The following OSBPL5 variants were observed in gnomAD, a reference collection of about 807,000 sequenced individuals.
The protein encoded by OSBPL5 is oxysterol binding protein like 5.
In OSBPL5, 71 loss-of-function variants were observed where a neutral mutation model predicts 111.2. That is an observed-to-expected ratio of 0.64 (90% CI 0.53 to 0.78). The LOEUF (loss-of-function observed/expected upper bound fraction) is 0.78. Among genes scored for constraint, OSBPL5 ranks in the 30% least tolerant of loss-of-function variants. The pLI is 0.00. For synonymous variants in OSBPL5, 549 were observed against 513.9 expected (o/e 1.07, Z -0.93); for missense variants, 1,210 against 1,189.3 (o/e 1.02, Z -0.26).
intron 21 of OSBPL5, 130 bp from the exon 22 acceptor site, chr11:3,088,473 C>T: frequency 1.8e-6 from 2 of 1,101,310 alleles, no homozygotes. Context: ...TGGGATGGCC[C>T]TCCAGGGGCA....
Position 3,155,345 on chromosome 11 carries a change from C to T in OSBPL5, c.-22+9871G>A, listed in dbSNP as rs1564868581. Among the ~76,000 whole-genome samples the T allele has an allele frequency of 2.0e-5, 3 of 152,212 alleles. No individual in the cohort carries two copies. The South Asian group carries it at 6.2e-4, about 31-fold the overall frequency. ...ATGTCCGGCACAGCCTGGCAGACTT[C>T]GGCTCAAATCTGCCTGGGCCACTTC... On this transcript the variant is annotated intron_variant, in intron 1 of 21. Coordinates refer to ENST00000263650, the MANE Select transcript of OSBPL5 (RefSeq NM_020896.4).
At position 3,112,084 on chromosome 11, in the gene OSBPL5, T is replaced by TGTGCATGTGTGTGTGC. The variant is rs1554898337; in HGVS notation, c.692-4140_692-4139insGCACACACACATGCAC. On this transcript the variant is annotated intron_variant, in intron 7 of 21. Coordinates refer to ENST00000263650, the MANE Select transcript of OSBPL5 (RefSeq NM_020896.4). ...GTGTATGTGTGTGTGCATGTGTGTG[T>TGTGCATGTGTGTGTGC]GCATGTGTGTGTGCATATGTGTGTG... Among the ~76,000 whole-genome samples, 321 of 123,526 alleles carry TGTGCATGTGTGTGTGC rather than the reference T, an allele frequency of 2.6e-3. 5 individuals carry two copies. Among genetic ancestry groups the TGTGCATGTGTGTGTGC allele is most frequent in the South Asian group, 6.0e-3 (20 of 3,316 alleles). The allele number at this position is 123,526 out of a possible 152,430, so 81.0% of individuals were successfully genotyped here.
rs11826635 is a variant in OSBPL5, at chr11:3,119,135, G to A, written c.691+412C>T. Among the ~76,000 whole-genome samples, 1,207 of 151,950 alleles carry A rather than the reference G, an allele frequency of 7.9e-3. 17 individuals are homozygous for A. The highest frequency in any genetic ancestry group is 0.028 in the African/African-American group (1,157 of 41,444). On this transcript the variant is annotated intron_variant, in intron 7 of 21. Coordinates refer to ENST00000263650, the MANE Select transcript of OSBPL5 (RefSeq NM_020896.4). ...AGCAATCCTCCTGTCTCAGTCTCCCGAGTAGCTGGGATTACAGGCGCCTGC... is the reference window on the plus strand; with the variant it reads ...AGCAATCCTCCTGTCTCAGTCTCCCAAGTAGCTGGGATTACAGGCGCCTGC...
At chr11:3,094,459 C>T (rs567326994) in intron 14 of OSBPL5, 125 bp from the exon 15 acceptor site, 4 of 705,004 alleles carry the variant, frequency 5.7e-6, no homozygotes, top group Non-Finnish European at 7.3e-6. Context: ...CCCTGGGAGG[C>T]CTGTGTCAGT....
At chr11:3,103,788 C>CTTCCAGCCTCTGCAGCCCCA (rs1554896306) in intron 10 of OSBPL5, among the ~76,000 whole-genome samples, 3 of 61,280 alleles carry the variant, frequency 4.9e-5, no homozygotes, top group Non-Finnish European at 1.2e-4. Context: ...TCTGCAGTCC[C>CTTCCAGCCTCTGCAGCCCCA]TTCCTGCCTC....
rs200488564 is a variant in OSBPL5, at chr11:3,121,107, AG to A, written c.403-484del. 0.016 allele frequency among the ~76,000 whole-genome samples: 2,292 copies of A among 139,492 alleles called. 73 individuals are homozygous for A. The highest frequency in any genetic ancestry group is 0.059 in the African/African-American group (2,169 of 36,894). The allele number at this position is 139,492 out of a possible 152,430, so 91.5% of individuals were successfully genotyped here. On this transcript the variant is annotated intron_variant, in intron 5 of 21. Coordinates refer to ENST00000263650, the MANE Select transcript of OSBPL5 (RefSeq NM_020896.4). The surrounding 1 kb of genome is among the most constrained non-coding windows in gnomAD (Gnocchi z 4.3). Reference sequence around the variant, plus strand: ...ACAGAGTCTCTGTTGCCCAGGCTGGAGGTGCAGTGGTGCTATCTTGGCTCGC... The same window carrying A: ...ACAGAGTCTCTGTTGCCCAGGCTGGAGTGCAGTGGTGCTATCTTGGCTCGC...
At chr11:3,153,923 A>T (rs2134548841) in intron 1 of OSBPL5, among the ~76,000 whole-genome samples, 1 of 152,314 alleles carries the variant, frequency 6.6e-6, no homozygotes, top group East Asian at 1.9e-4. Context: ...GCTCCATATG[A>T]ATGCAGCCCA....
intron 7 of OSBPL5, among the ~76,000 whole-genome samples, chr11:3,115,873 C>CTTTTTTTTTTTTTTTTTTTTTTTTTTTT (rs369499437): frequency 2.1e-5 from 3 of 143,994 alleles, no homozygotes; most frequent in Non-Finnish European, 3.0e-5. Context: ...AGGCTTTTGC[C>CTTTTTTTTTTTTTTTTTTTTTTTTTTTT]TTTTTTTTTT....
chr11:3,131,813 C>T (rs1009786082), intron 1 of OSBPL5, among the ~76,000 whole-genome samples: 8 of 140,676 alleles, frequency 5.7e-5, no homozygotes, highest in African/African-American at 1.9e-4. Context: ...ATTCATCCAT[C>T]CATCCATCCA....
intron 1 of OSBPL5, among the ~76,000 whole-genome samples, chr11:3,147,854 C>A (rs116049828): frequency 2.8e-4 from 43 of 152,284 alleles, no homozygotes; most frequent in Middle Eastern, 3.4e-3. Flanking sequence ...GTGACCCGGG[C>A]CCTTCTGTCT....
Position 3,092,337 on chromosome 11 carries a change from C to T in OSBPL5, c.2259+95G>A, listed in dbSNP as rs543361951. 2.9e-5 allele frequency: 41 copies of T among 1,420,278 alleles called. No individual in the cohort carries two copies. The highest frequency in any genetic ancestry group is 3.4e-5 in the Non-Finnish European group (37 of 1,076,272). 88.0% of individuals were successfully genotyped at this position (1,420,278 alleles called of 1,614,324 possible). A position where few individuals can be genotyped will look rare whatever the true frequency, so the allele number is the denominator to read the frequency against. ...GGATGAGGGCGTGAGGGAAACGGAG[C>T]GAGGGGAAGGGAGGAGTGAGGTGAG... On this transcript the variant is annotated intron_variant, in intron 19 of 21. Transcript: ENST00000263650. The surrounding 1 kb of genome is among the most constrained non-coding windows in gnomAD (Gnocchi z 5.4).
At position 3,107,599 on chromosome 11, in the gene OSBPL5, C is replaced by A; in HGVS notation, c.867-144G>T. The A allele has an allele frequency of 4.4e-6, 6 of 1,354,806 alleles. No homozygotes were observed. The highest frequency in any genetic ancestry group is 6.1e-6 in the Non-Finnish European group (6 of 976,700). 83.9% of individuals were successfully genotyped at this position (1,354,806 alleles called of 1,614,324 possible). ...CACAACCCACATTTGACACGATCAG[C>A]CCCGTTTTAGAGGAAGGAACCGAGG... On this transcript the variant is annotated intron_variant, in intron 8 of 21. Coordinates refer to ENST00000263650, the MANE Select transcript of OSBPL5 (RefSeq NM_020896.4). This position sits in a 1 kb window ranked among gnomAD's most constrained non-coding sequence, Gnocchi z 6.1.
chr11:3,089,984 G>A, intron 20 of OSBPL5, 36 bp from the exon 21 acceptor site: 2 of 1,456,142 alleles, frequency 1.4e-6, no homozygotes, highest in Non-Finnish European at 1.8e-6. Flanking sequence ...GGAGGGGAGG[G>A]GAGGAGTGAG....
At chr11:3,097,024 G>GGGAAGATGGGAGA (rs1564824603) in intron 14 of OSBPL5, among the ~76,000 whole-genome samples, 4 of 104,174 alleles carry the variant, frequency 3.8e-5, no homozygotes, top group Non-Finnish European at 5.6e-5. Context: ...ACGGGAGGGG[G>GGGAAGATGGGAGA]AGGAGAGGAA....
intron 1 of OSBPL5, among the ~76,000 whole-genome samples, chr11:3,138,614 G>A (rs550952544): frequency 6.6e-6 from 1 of 152,222 alleles, no homozygotes; most frequent in Admixed American, 6.5e-5. Flanking sequence ...AAAGACGCTC[G>A]CCTGCCGTGC....
chr11:3,111,992 T>TGTATGTGTGCGC (rs1564837103), intron 7 of OSBPL5, among the ~76,000 whole-genome samples: 55 of 121,002 alleles, frequency 4.5e-4, no homozygotes, highest in African/African-American at 1.5e-3. Flanking sequence ...CGCATGTGTG[T>TGTATGTGTGCGC]GCATGTGTGT....
rs1162644435 is a variant in OSBPL5 at position 3,103,875 on chromosome 11, CCTCT to C, written c.1244+314_1244+317del. 1.9e-4 allele frequency among the ~76,000 whole-genome samples: 12 copies of C among 63,166 alleles called. 1 individual carries two copies. The highest frequency in any genetic ancestry group is 3.2e-4 in the Non-Finnish European group (10 of 31,048). 41.4% of individuals were successfully genotyped at this position (63,166 alleles called of 152,430 possible). On this transcript the variant is annotated intron_variant, in intron 10 of 21. Transcript: ENST00000263650. Reference sequence around the variant, plus strand: ...TCCAGTCTGCGCAGCCCCCTTCCTGCCTCTGTAGCCCCATTCCTGCCTCTGCAGC... The same window carrying C: ...TCCAGTCTGCGCAGCCCCCTTCCTGCGTAGCCCCATTCCTGCCTCTGCAGC...
At position 3,140,907 on chromosome 11, in the gene OSBPL5, G is replaced by A. The variant is rs554322194; in HGVS notation, c.-21-11738C>T. ...TCAGCCCATGGGTGTGACAGCCCAGGGGGCCCTGGGGCCAGGTGACCACCT... is the reference window on the plus strand; with the variant it reads ...TCAGCCCATGGGTGTGACAGCCCAGAGGGCCCTGGGGCCAGGTGACCACCT... On this transcript the variant is annotated intron_variant, in intron 1 of 21. Coordinates refer to ENST00000263650, the MANE Select transcript of OSBPL5 (RefSeq NM_020896.4). The surrounding 1 kb of genome is among the most constrained non-coding windows in gnomAD (Gnocchi z 4.5). Among the ~76,000 whole-genome samples, 2 of 152,072 alleles carry A rather than the reference G, an allele frequency of 1.3e-5. No homozygotes were observed. The highest frequency in any genetic ancestry group is 6.5e-5 in the Admixed American group (1 of 15,292).
Position 3,142,494 on chromosome 11 carries a change from C to T in OSBPL5, c.-21-13325G>A, listed in dbSNP as rs1265758777. On this transcript the variant is annotated intron_variant, in intron 1 of 21. Transcript: ENST00000263650. The surrounding 1 kb of genome is among the most constrained non-coding windows in gnomAD (Gnocchi z 7.1). ...CTCGCTGCTCCGTGTCCCAGGAGGTCAGATTTCACCCGGATGCTTAGCTCC... is the reference window on the plus strand; with the variant it reads ...CTCGCTGCTCCGTGTCCCAGGAGGTTAGATTTCACCCGGATGCTTAGCTCC... Among the ~76,000 whole-genome samples the T allele has an allele frequency of 1.3e-5, 2 of 152,186 alleles. No homozygotes were observed. The highest frequency in any genetic ancestry group is 4.8e-5 in the African/African-American group (2 of 41,458).
Sources: gnomAD v4.1 joint callset for allele counts (sites outside exome capture counted in the v4.1 genomes callset) on GRCh38, gnomAD v4.1.1 for gene constraint, Gnocchi (gnomAD v3.1) non-coding constraint, MANE v1.5 for transcripts, NCBI Gene and HGNC (gene_info 2026-07-23, HGNC 2026-07-21) for gene names.